The following CTNNA3 variants were observed in gnomAD, a reference collection of about 807,000 sequenced individuals.
The protein encoded by CTNNA3 is catenin alpha-3.
In CTNNA3, 76 loss-of-function variants were observed where a neutral mutation model predicts 95.7. The observed-to-expected ratio is 0.79, with a 90% CI of 0.66 to 0.96. CTNNA3 has a LOEUF of 0.96. Ranked by LOEUF, CTNNA3 falls within the 40% of genes least tolerant of loss-of-function variation. CTNNA3 has a pLI of 0.00. For synonymous variants in CTNNA3, 431 were observed against 374.4 expected, an observed-to-expected ratio of 1.15 and a Z score of -1.74; for missense variants, 1,191 against 1,089.8, an observed-to-expected ratio of 1.09 and a Z score of -1.31.
intron 13 of CTNNA3, among the ~76,000 whole-genome samples, chr10:66,178,902 A>C (rs1167060743): frequency 6.6e-6 from 1 of 152,002 alleles, no homozygotes; most frequent in Non-Finnish European, 1.5e-5. Context: ...TAATGACAAC[A>C]CCCAATGTTA....
intron 5 of CTNNA3, among the ~76,000 whole-genome samples, chr10:67,398,416 A>G (rs537700038): frequency 3.4e-4 from 52 of 152,278 alleles, no homozygotes; most frequent in African/African-American, 1.3e-3. Context: ...GAACAGGTGT[A>G]TTTACTCAAC....
chr10:66,510,721 T>C (rs914928993), intron 11 of CTNNA3, among the ~76,000 whole-genome samples: 2 of 151,978 alleles, frequency 1.3e-5, no homozygotes, highest in African/African-American at 4.8e-5. Flanking sequence ...TGAACTATCC[T>C]TGTATCCTTG....
chr10:66,590,696 A>G (rs1843519731), intron 10 of CTNNA3, among the ~76,000 whole-genome samples: 1 of 152,128 alleles, frequency 6.6e-6, no homozygotes. Flanking sequence ...ATAATGTTAA[A>G]AATAGTTATA....
chr10:66,917,262 G>T (rs1037937532), intron 7 of CTNNA3, among the ~76,000 whole-genome samples: 3 of 152,150 alleles, frequency 2.0e-5, no homozygotes, highest in Admixed American at 2.0e-4. Context: ...GTAAATTTTT[G>T]CTCGAGTTAC....
intron 1 of CTNNA3, among the ~76,000 whole-genome samples, chr10:67,731,444 G>C (rs1841273230): frequency 6.6e-6 from 1 of 152,062 alleles, no homozygotes; most frequent in Non-Finnish European, 1.5e-5. Flanking sequence ...TCGCACCACT[G>C]CACTCCAGCC....
intron 9 of CTNNA3, among the ~76,000 whole-genome samples, chr10:66,685,209 A>ATATATGTGTATATATATACG (rs1564617140): frequency 2.8e-5 from 1 of 36,340 alleles, no homozygotes; most frequent in African/African-American, 8.5e-5. Context: ...ATATATACGT[A>ATATATGTGTATATATATACG]TATATATGTG....
chr10:66,201,107 A>G (rs10996969), intron 13 of CTNNA3, among the ~76,000 whole-genome samples: 23,812 of 152,110 alleles, frequency 0.16, 2,278 homozygotes, highest in Middle Eastern at 0.22. Flanking sequence ...TTTTAATCCC[A>G]TTCTCATTAC....
chr10:67,019,557 C>T (rs919250102), intron 7 of CTNNA3, among the ~76,000 whole-genome samples: 10 of 152,158 alleles, frequency 6.6e-5, no homozygotes, highest in Admixed American at 2.0e-4. Flanking sequence ...AGAACTTTAT[C>T]GTATATAAAA....
chr10:67,556,565 A>C (rs997264836), intron 3 of CTNNA3, among the ~76,000 whole-genome samples: 1 of 152,030 alleles, frequency 6.6e-6, no homozygotes, highest in Non-Finnish European at 1.5e-5. Flanking sequence ...GTATTCTCTG[A>C]TGGTACTTTG....
chr10:67,201,199 G>A (rs1317184076), intron 6 of CTNNA3, among the ~76,000 whole-genome samples: 4 of 152,202 alleles, frequency 2.6e-5, no homozygotes, highest in Admixed American at 6.5e-5. Context: ...GTTAGAGACA[G>A]CATGGTTTCC....
intron 5 of CTNNA3, among the ~76,000 whole-genome samples, chr10:67,503,304 TC>T (rs1327136645): frequency 6.6e-6 from 1 of 152,180 alleles, no homozygotes; most frequent in Non-Finnish European, 1.5e-5. Context: ...GCACTCACTG[TC>T]TAACCAGTCC....
At chr10:66,226,358 C>T (rs766833116) in intron 13 of CTNNA3, among the ~76,000 whole-genome samples, 2 of 152,046 alleles carry the variant, frequency 1.3e-5, no homozygotes, top group Non-Finnish European at 2.9e-5. Context: ...AATCAATTGG[C>T]TATACATACG....
At chr10:66,894,985 T>C (rs1055509959) in intron 7 of CTNNA3, among the ~76,000 whole-genome samples, 1 of 132,610 alleles carries the variant, frequency 7.5e-6, no homozygotes, top group African/African-American at 2.9e-5. Context: ...AAATTCACAA[T>C]AAATTATATA....
Position 66,812,037 on chromosome 10 carries a change from T to C in CTNNA3, c.1048-36513A>G, listed in dbSNP as rs549968256. Among the ~76,000 whole-genome samples, 3 of 152,282 alleles carry C rather than the reference T, an allele frequency of 2.0e-5. No individual in the cohort carries two copies. The South Asian group carries it at 6.2e-4, about 32-fold the overall frequency. On this transcript the variant is annotated intron_variant, in intron 7 of 17. Transcript: ENST00000433211. ...TTGTAGCAGCTTTACTTTATTGAGA[T>C]GATCTAGTTTTATGTCCCAGGTGCT...
At chr10:66,256,227 G>C (rs947199608) in intron 13 of CTNNA3, among the ~76,000 whole-genome samples, 7 of 152,104 alleles carry the variant, frequency 4.6e-5, no homozygotes, top group Non-Finnish European at 1.0e-4. Flanking sequence ...CTAGACTGCT[G>C]GACACTATGC....
At chr10:67,427,330 T>C (rs533048993) in intron 5 of CTNNA3, among the ~76,000 whole-genome samples, 2 of 151,996 alleles carry the variant, frequency 1.3e-5, no homozygotes, top group Non-Finnish European at 2.9e-5. Flanking sequence ...TAAGTTCCTA[T>C]ATTCCTGGAG....
chr10:66,274,683 C>T, intron 13 of CTNNA3, among the ~76,000 whole-genome samples: 1 of 151,912 alleles, frequency 6.6e-6, no homozygotes. Context: ...TTATTAATAT[C>T]TAATTTACAT....
intron 17 of CTNNA3, among the ~76,000 whole-genome samples, chr10:65,925,401 C>G (rs180999200): frequency 6.6e-6 from 1 of 152,232 alleles, no homozygotes; most frequent in East Asian, 1.9e-4. Flanking sequence ...TACCTTCTTG[C>G]AGACTTTGCA....
chr10:65,927,067 G>T (rs183348154), intron 17 of CTNNA3, among the ~76,000 whole-genome samples: 1 of 151,402 alleles, frequency 6.6e-6, no homozygotes, highest in South Asian at 2.1e-4. Flanking sequence ...TTTTTGTTCT[G>T]TATTATTCCA....
Sources: gnomAD v4.1 joint callset for allele counts (sites outside exome capture counted in the v4.1 genomes callset) on GRCh38, gnomAD v4.1.1 for gene constraint, MANE v1.5 for transcripts, NCBI Gene and HGNC (gene_info 2026-07-23, HGNC 2026-07-21) for gene names.